Variants in NHSL2 observed in about 807,000 individuals in gnomAD.
NHSL2 encodes NHS like 2.
A neutral mutation model predicts 53.4 loss-of-function variants in NHSL2; 27 were observed. The observed-to-expected ratio is 0.51, with a 90% CI of 0.37 to 0.70. The LOEUF (loss-of-function observed/expected upper bound fraction) is 0.70. NHSL2 is among the 30% of genes least tolerant of loss of function. The pLI is 0.00. For synonymous variants in NHSL2, 408 were observed against 404.1 expected (o/e 1.01, Z -0.12); for missense variants, 892 against 980.1 (o/e 0.91, Z 1.20).
chrX:72,099,338 C>A (rs2041971540), intron 1 of NHSL2, among the ~76,000 whole-genome samples: 2 of 109,519 alleles, frequency 1.8e-5, no homozygotes, highest in African/African-American at 6.6e-5. Context: ...CCAATTTTGG[C>A]ACCAGTATCC....
At chrX:72,024,018 G>C (rs1158935223) in intron 1 of NHSL2, among the ~76,000 whole-genome samples, 1 of 111,069 alleles carries the variant, frequency 9.0e-6, no homozygotes, top group Non-Finnish European at 1.9e-5. Flanking sequence ...CTGAGGGAGA[G>C]GAATCTTGGG....
rs1430556596 is a variant in NHSL2, at chrX:72,143,482, G to A, written c.3586G>A (p.Ala1196Thr). 4 of 1,167,033 alleles carry A rather than the reference G, an allele frequency of 3.4e-6. No homozygotes were observed. In the Admixed American group the frequency reaches 1.0e-4, roughly 30 times the overall value. Residue 1196 changes from alanine (A) to threonine (T), a missense_variant, in exon 8 of 8, where the codon GCT (alanine) becomes ACT (threonine). By Grantham distance (58) the Ala-to-Thr change is moderately conservative. Coordinates refer to ENST00000633930, the MANE Select transcript of NHSL2 (RefSeq NM_001013627.3). ...AACTCCAAGGTCTCGTCCCTCAGCA[G>A]CTGAACTTCTGAAGACCACTAACCC... ...KATPRSRPSA[A>T]ELLKTTNPLA...
chrX:72,107,884 G>T (rs1401093190), intron 1 of NHSL2, among the ~76,000 whole-genome samples: 1 of 112,097 alleles, frequency 8.9e-6, no homozygotes, highest in African/African-American at 3.2e-5. Context: ...CTGTCAGCCA[G>T]CCTGAGGAAC....
chrX:72,095,691 C>G (rs1362013478), intron 1 of NHSL2, among the ~76,000 whole-genome samples: 1 of 111,719 alleles, frequency 9.0e-6, no homozygotes, highest in Non-Finnish European at 1.9e-5. Context: ...TCCACACTCC[C>G]GTAGCTCTCT....
intron 1 of NHSL2, among the ~76,000 whole-genome samples, chrX:71,959,898 G>A (rs2041860204): frequency 9.0e-6 from 1 of 111,530 alleles, no homozygotes; most frequent in Non-Finnish European, 1.9e-5. Flanking sequence ...ACATTGACAA[G>A]TATTTTTGCG....
intron 1 of NHSL2, among the ~76,000 whole-genome samples, chrX:71,955,699 AGCTGTGAGAGGAGGGAAAAT>A (rs373496083): frequency 1.4e-3 from 158 of 109,777 alleles, no homozygotes; most frequent in African/African-American, 4.8e-3. Flanking sequence ...CTCCTCTGGG[AGCTGTGAGAGGAGGGAAAAT>A]GACAGAGGAT....
intron 1 of NHSL2, among the ~76,000 whole-genome samples, chrX:71,949,999 C>T (rs935291869): frequency 1.8e-5 from 2 of 113,397 alleles, no homozygotes; most frequent in Admixed American, 9.2e-5. Context: ...AGGCCCCTGG[C>T]GGCTGGGAGC....
At chrX:72,038,240 T>A (rs1294350269) in intron 1 of NHSL2, among the ~76,000 whole-genome samples, 1 of 112,234 alleles carries the variant, frequency 8.9e-6, no homozygotes, top group East Asian at 2.8e-4. Flanking sequence ...CCGCAATCCC[T>A]ATGCCCGCTG....
At position 71,985,112 on chromosome X, in the gene NHSL2, C is replaced by T. The variant is rs564239335; in HGVS notation, c.280+73745C>T. On this transcript the variant is annotated intron_variant, in intron 1 of 7. Coordinates refer to ENST00000633930, the MANE Select transcript of NHSL2 (RefSeq NM_001013627.3). ...TGCTGGGATTACAGGCATGAGCCAC[C>T]GTGCCCGGCTGATGGAGCTCTGTTT... Among the ~76,000 whole-genome samples the T allele has an allele frequency of 3.3e-3, 370 of 111,805 alleles. 2 individuals are homozygous for T. The highest frequency in any genetic ancestry group is 0.011 in the African/African-American group (336 of 30,784).
intron 1 of NHSL2, among the ~76,000 whole-genome samples, chrX:71,942,972 C>CTGTGTGTGTG (rs58935869): frequency 1.1e-3 from 85 of 74,031 alleles, no homozygotes; most frequent in Middle Eastern, 7.6e-3. Flanking sequence ...CTCTCTCTCT[C>CTGTGTGTGTG]TGTGTGTGTG....
chrX:72,096,768 T>A (rs967023161), intron 1 of NHSL2, among the ~76,000 whole-genome samples: 1 of 111,804 alleles, frequency 8.9e-6, no homozygotes, highest in African/African-American at 3.3e-5. Flanking sequence ...TTTGAAACTA[T>A]ATATTATCAT....
In NHSL2 at chrX:72,022,841, C is replaced by T. The variant is rs2042166811; in HGVS notation, c.281-109238C>T. 2.7e-5 allele frequency among the ~76,000 whole-genome samples: 3 copies of T among 111,675 alleles called. No individual in the cohort carries two copies. In the South Asian group the frequency reaches 1.1e-3, roughly 42 times the overall value. On this transcript the variant is annotated intron_variant, in intron 1 of 7. Transcript: ENST00000633930. Reference sequence around the variant, plus strand: ...TAGATGCTGCTTCAGATCACCCCACCTCCATGACTTACCTATTATACCTTG... The same window carrying T: ...TAGATGCTGCTTCAGATCACCCCACTTCCATGACTTACCTATTATACCTTG...
At chrX:71,973,354 A>AT (rs995580318) in intron 1 of NHSL2, among the ~76,000 whole-genome samples, 19 of 111,600 alleles carry the variant, frequency 1.7e-4, no homozygotes, top group Non-Finnish European at 2.6e-4. Flanking sequence ...CTGGTCTGCC[A>AT]TTTTTCTTGT....
intron 4 of NHSL2, 96 bp downstream of exon 4, chrX:72,134,800 T>C: frequency 4.6e-6 from 3 of 652,413 alleles, no homozygotes; most frequent in Non-Finnish European, 7.0e-6. Context: ...GAAGTGAGAC[T>C]TTCTTTGCTA....
chrX:71,911,457 C>A, intron 1 of NHSL2, 90 bp downstream of exon 1: 1 of 809,335 alleles, frequency 1.2e-6, no homozygotes, highest in South Asian at 4.1e-5. Context: ...CCACCCTCTC[C>A]CCGCCTCTCT....
At chrX:72,114,601 G>A (rs2042120898) in intron 1 of NHSL2, among the ~76,000 whole-genome samples, 1 of 112,287 alleles carries the variant, frequency 8.9e-6, no homozygotes, top group South Asian at 3.7e-4. Flanking sequence ...TCAATCCAAA[G>A]GGGAAGCTCT....
At chrX:72,068,306 A>G in intron 1 of NHSL2, among the ~76,000 whole-genome samples, 1 of 112,389 alleles carries the variant, frequency 8.9e-6, no homozygotes, top group Non-Finnish European at 1.9e-5. Context: ...CCCCAAAGTC[A>G]GAAAGCTCTG....
chrX:72,011,610 C>T (rs1353143326), intron 1 of NHSL2, among the ~76,000 whole-genome samples: 8 of 110,776 alleles, frequency 7.2e-5, no homozygotes, highest in African/African-American at 2.6e-4. Flanking sequence ...GTGGAGGTTG[C>T]AGTGAGCTGA....
chrX:72,127,328 C>G, intron 1 of NHSL2: 1 of 93,553 alleles, frequency 1.1e-5, no homozygotes, highest in Middle Eastern at 5.5e-3. Context: ...CACAGTTCCT[C>G]TTACAGCTCT....
Sources: allele counts gnomAD v4.1 joint callset (sites outside exome capture counted in the v4.1 genomes callset), GRCh38; gene constraint gnomAD v4.1.1; transcripts MANE v1.5; gene names NCBI Gene and HGNC (gene_info 2026-07-23, HGNC 2026-07-21).